GSTCD: variants seen among roughly 807,000 people sequenced by gnomAD.
GSTCD encodes the protein glutathione S-transferase C-terminal domain-containing protein.
GSTCD carries 44 observed loss-of-function variants against 68.3 expected under a neutral mutation model. The observed-to-expected ratio is 0.64, with a 90% CI of 0.51 to 0.83. The LOEUF is 0.83. GSTCD is among the 40% of genes least tolerant of loss of function. The pLI is 0.00. For synonymous variants in GSTCD, 273 were observed against 255.2 expected, an observed-to-expected ratio of 1.07 and a Z score of -0.67; for missense variants, 739 against 735.9, an observed-to-expected ratio of 1.00 and a Z score of -0.05.
At position 105,846,466 on chromosome 4, in the gene GSTCD, CGGGAATGT is replaced by C. The variant is rs1560860549; in HGVS notation, c.*892_*899del. 1 of 151,996 alleles carries C rather than the reference CGGGAATGT, an allele frequency of 6.6e-6. No individual in the cohort carries two copies. Among genetic ancestry groups the C allele is most frequent in the Non-Finnish European group, 1.5e-5 (1 of 67,990 alleles). The allele number at this position is 151,996 out of a possible 1,614,324, so 9.4% of individuals were successfully genotyped here. ...AATAATTGCCATAAATTTCCTATTA[CGGGAATGT>C]GGAATTTGGACATACATTTTAACAA... On this transcript the variant is annotated 3_prime_UTR_variant, in exon 12 of 12. Transcript: ENST00000515279.
intron 5 of GSTCD, among the ~76,000 whole-genome samples, chr4:105,793,215 A>G (rs577550364): frequency 6.6e-6 from 1 of 152,130 alleles, no homozygotes; most frequent in East Asian, 1.9e-4. Flanking sequence ...GACCTATAAC[A>G]ACCTATAGCA....
At chr4:105,765,703 A>G (rs1734577045) in intron 5 of GSTCD, among the ~76,000 whole-genome samples, 1 of 152,082 alleles carries the variant, frequency 6.6e-6, no homozygotes, top group Non-Finnish European at 1.5e-5. Flanking sequence ...TAATCCCCAC[A>G]TGTTGCGGGA....
At chr4:105,841,781 A>G (rs1724350728) in intron 10 of GSTCD, among the ~76,000 whole-genome samples, 1 of 151,790 alleles carries the variant, frequency 6.6e-6, no homozygotes, top group African/African-American at 2.4e-5. Context: ...AGTCTGGGAG[A>G]CGAAGGTTGC....
At chr4:105,728,612 G>A (rs1313352835) in intron 4 of GSTCD, among the ~76,000 whole-genome samples, 1 of 151,712 alleles carries the variant, frequency 6.6e-6, no homozygotes, top group Non-Finnish European at 1.5e-5. Context: ...GAGTCTCACA[G>A]ATTTTTATTT....
At chr4:105,776,413 T>G (rs1735065471) in intron 5 of GSTCD, among the ~76,000 whole-genome samples, 1 of 152,138 alleles carries the variant, frequency 6.6e-6, no homozygotes, top group South Asian at 2.1e-4. Context: ...GCTAGCTCTG[T>G]GTCTACCCAA....
intron 5 of GSTCD, among the ~76,000 whole-genome samples, chr4:105,763,349 A>G (rs754465706): frequency 1.3e-5 from 2 of 152,212 alleles, no homozygotes; most frequent in Non-Finnish European, 2.9e-5. Flanking sequence ...TTTAACATTT[A>G]CAAAGTGTTT....
chr4:105,760,996 ATTTTTTT>A (rs35581423), intron 5 of GSTCD: 659 of 174,784 alleles, frequency 3.8e-3, no homozygotes, highest in Middle Eastern at 9.9e-3. Context: ...TCCTTTTTTA[ATTTTTTT>A]TTTTTTTTTT....
chr4:105,791,645 G>C (rs534872861), intron 5 of GSTCD, among the ~76,000 whole-genome samples: 16 of 151,988 alleles, frequency 1.1e-4, no homozygotes, highest in African/African-American at 3.6e-4. Context: ...TTTAAAAATT[G>C]TCTATTTTCT....
At position 105,717,992 on chromosome 4, in the gene GSTCD, TTGGAACTTC is replaced by T. The variant is rs756043441; in HGVS notation, c.383_391del (p.Glu128_Leu130del). The T allele has an allele frequency of 1.2e-6, 2 of 1,612,554 alleles. No individual in the cohort carries two copies. The highest frequency in any genetic ancestry group is 2.7e-5 in the African/African-American group (2 of 74,776). ...AGCAGACCCCTTAAAGAAGGAACTT[TTGGAACTTC>T]TGGGCTTTAAAAAGACTTGCTTGAA... On this transcript the variant is annotated inframe_deletion, in exon 2 of 12. Transcript: ENST00000515279.
intron 5 of GSTCD, among the ~76,000 whole-genome samples, chr4:105,814,487 C>T (rs147632916): frequency 0.054 from 8,161 of 152,132 alleles, 243 homozygotes; most frequent in Middle Eastern, 0.14. Flanking sequence ...ATGGTGTGCA[C>T]CTGTAATCCC....
intron 5 of GSTCD, among the ~76,000 whole-genome samples, chr4:105,779,198 G>A (rs1383678610): frequency 6.6e-6 from 1 of 151,986 alleles, no homozygotes; most frequent in Non-Finnish European, 1.5e-5. Flanking sequence ...CTTTTAATCT[G>A]GAACACTTCC....
In GSTCD at chr4:105,719,106, T is replaced by G; in HGVS notation, c.473T>G (p.Ile158Ser). Residue 158 changes from isoleucine to serine, a missense_variant, in exon 3 of 12, where the codon ATT becomes AGT. Ile to Ser is a moderately radical substitution (Grantham distance 142). Coordinates refer to ENST00000515279, the MANE Select transcript of GSTCD (RefSeq NM_001370181.1). ...RLCELTIPLA[I>S]ENFLRESSDQ... is the part of the protein sequence containing the mutation. ...TGTGAACTCACCATCCCTTTGGCTATTGAGAATTTTCTCAGAGAATCTTCT... is the reference window on the plus strand; with the variant it reads ...TGTGAACTCACCATCCCTTTGGCTAGTGAGAATTTTCTCAGAGAATCTTCT... The G allele has an allele frequency of 6.2e-7, 1 of 1,614,146 alleles. No individual in the cohort carries two copies. The highest frequency in any genetic ancestry group is 1.3e-5 in the African/African-American group (1 of 75,058).
chr4:105,726,916 CATT>C, intron 4 of GSTCD, 86 bp downstream of exon 4: 1 of 1,095,516 alleles, frequency 9.1e-7, no homozygotes, highest in East Asian at 2.4e-5. Flanking sequence ...CATTTGTTGA[CATT>C]ATTTTTGTTA....
At chr4:105,744,226 A>C (rs752746252) in intron 5 of GSTCD, among the ~76,000 whole-genome samples, 1 of 152,224 alleles carries the variant, frequency 6.6e-6, no homozygotes, top group Non-Finnish European at 1.5e-5. Flanking sequence ...GGAATATCAC[A>C]GATGCGATGT....
chr4:105,799,795 T>C (rs150593238), intron 5 of GSTCD, among the ~76,000 whole-genome samples: 90 of 146,400 alleles, frequency 6.1e-4, no homozygotes, highest in African/African-American at 2.3e-3. Context: ...ACAGCACTGA[T>C]AGACTTAACA....
rs550487244 is a variant in GSTCD, at chr4:105,750,465, A to T, written c.1240+20966A>T. Among the ~76,000 whole-genome samples, 26 of 151,602 alleles carry T rather than the reference A, an allele frequency of 1.7e-4. No individual in the cohort carries two copies. The South Asian group carries it at 5.2e-3, about 30-fold the overall frequency. On this transcript the variant is annotated intron_variant, in intron 5 of 11. Transcript: ENST00000515279. ...ACCAGAGCGAAACTCCGTCTCAAAA[A>T]AAAAAAAAAAAAAAGAAAAGTAACA...
chr4:105,726,726 A>G lies in GSTCD; in HGVS notation c.1042A>G (p.Thr348Ala), dbSNP rs1419054748. The G allele has an allele frequency of 6.2e-7, 1 of 1,613,948 alleles. No homozygotes were observed. The highest frequency in any genetic ancestry group is 1.3e-5 in the African/African-American group (1 of 75,034). Reference protein sequence around the residue: ...QFLHLPKLLTTSTEQHPNLCE... With the variant: ...QFLHLPKLLTASTEQHPNLCE... ...TCTCCATTTACCAAAGTTGTTGACA[A>G]CCTCAACTGAACAGCATCCAAACTT... The change falls in exon 4 of 12, where the codon ACC becomes GCC. Residue 348 changes from threonine (T) to alanine (A), a missense_variant. Coordinates refer to ENST00000515279, the MANE Select transcript of GSTCD (RefSeq NM_001370181.1).
intron 5 of GSTCD, among the ~76,000 whole-genome samples, chr4:105,812,968 C>A (rs1722814128): frequency 6.6e-6 from 1 of 151,962 alleles, no homozygotes; most frequent in African/African-American, 2.4e-5. Flanking sequence ...ATTGTTAGTA[C>A]TATGTATATT....
At chr4:105,725,867 C>G (rs1733012828) in intron 3 of GSTCD, among the ~76,000 whole-genome samples, 1 of 152,008 alleles carries the variant, frequency 6.6e-6, no homozygotes, top group Non-Finnish European at 1.5e-5. Flanking sequence ...TGACTAAAAT[C>G]AAACAGACTG....
Sources: allele counts gnomAD v4.1 joint callset (sites outside exome capture counted in the v4.1 genomes callset), GRCh38; gene constraint gnomAD v4.1.1; transcripts MANE v1.5; gene names NCBI Gene and HGNC (gene_info 2026-07-23, HGNC 2026-07-21).